The following SLC4A4 variants were observed in gnomAD, a reference collection of about 807,000 sequenced individuals.
SLC4A4 encodes the protein electrogenic sodium bicarbonate cotransporter 1.
In SLC4A4, 27 loss-of-function variants were observed where a neutral mutation model predicts 111.5. That is an observed-to-expected ratio of 0.24 (90% CI 0.18 to 0.33). SLC4A4 has a LOEUF of 0.33. Ranked by LOEUF, SLC4A4 falls within the 10% of genes least tolerant of loss-of-function variation. The pLI is 1.00. For synonymous variants in SLC4A4, 443 were observed against 463.4 expected, an observed-to-expected ratio of 0.96 and a Z score of 0.57; for missense variants, 909 against 1,315.5, an observed-to-expected ratio of 0.69 and a Z score of 4.78.
intron 7 of SLC4A4, among the ~76,000 whole-genome samples, chr4:71,409,644 C>A (rs1721183823): frequency 6.6e-6 from 1 of 152,140 alleles, no homozygotes; most frequent in African/African-American, 2.4e-5. Flanking sequence ...CCTGACAATG[C>A]AGTAGAAAAG....
intron 7 of SLC4A4, among the ~76,000 whole-genome samples, chr4:71,423,129 C>T (rs531870609): frequency 9.2e-5 from 14 of 152,318 alleles, no homozygotes; most frequent in Non-Finnish European, 1.5e-4. Context: ...TGATAAGCAA[C>T]TTCAGCAAAG....
intron 2 of SLC4A4, among the ~76,000 whole-genome samples, chr4:71,170,413 T>A (rs535287697): frequency 6.6e-6 from 1 of 152,200 alleles, no homozygotes; most frequent in Non-Finnish European, 1.5e-5. Flanking sequence ...TAATTTCTCA[T>A]GAAAACTTAC....
At chr4:71,413,196 A>G (rs953413832) in intron 7 of SLC4A4, among the ~76,000 whole-genome samples, 1 of 152,222 alleles carries the variant, frequency 6.6e-6, no homozygotes, top group African/African-American at 2.4e-5. Flanking sequence ...AATCTGCTAA[A>G]TAAATAATAG....
chr4:71,491,695 T>G (rs1218214436), intron 15 of SLC4A4, among the ~76,000 whole-genome samples: 2 of 151,912 alleles, frequency 1.3e-5, no homozygotes, highest in Admixed American at 1.3e-4. Flanking sequence ...TTACTTATTT[T>G]TACTAATCTT....
rs1274724843 is a variant in SLC4A4, at chr4:71,267,959, CTG to C, written c.253+12564_253+12565del. On this transcript the variant is annotated intron_variant, in intron 3 of 25. Transcript: ENST00000264485. ...TAAATGGAGCTTTATGGTTATGATT[CTG>C]TGTTTTTTCTCAACATTGTTTATCT... 2.6e-5 allele frequency among the ~76,000 whole-genome samples: 4 copies of C among 151,294 alleles called. No homozygotes were observed. The South Asian group carries it at 8.3e-4, about 31-fold the overall frequency.
intron 5 of SLC4A4, among the ~76,000 whole-genome samples, chr4:71,356,603 A>G (rs924403327): frequency 6.6e-6 from 1 of 152,180 alleles, no homozygotes; most frequent in Non-Finnish European, 1.5e-5. Context: ...AAAATCAACA[A>G]TCTCATTACT....
At chr4:71,291,076 A>G (rs982596778) in intron 3 of SLC4A4, among the ~76,000 whole-genome samples, 5 of 152,248 alleles carry the variant, frequency 3.3e-5, no homozygotes, top group African/African-American at 1.2e-4. Flanking sequence ...CATCATGCCA[A>G]AAGAACAGAG....
intron 3 of SLC4A4, among the ~76,000 whole-genome samples, chr4:71,332,323 C>T (rs1428927751): frequency 6.6e-6 from 1 of 151,856 alleles, no homozygotes; most frequent in Non-Finnish European, 1.5e-5. Context: ...ACTTTCTACC[C>T]CAATCTTTCT....
At chr4:71,344,196 G>A (rs999052050) in intron 4 of SLC4A4, among the ~76,000 whole-genome samples, 1 of 152,150 alleles carries the variant, frequency 6.6e-6, no homozygotes, top group Non-Finnish European at 1.5e-5. Context: ...CTGGCACACA[G>A]GTCATGCTCA....
intron 3 of SLC4A4, among the ~76,000 whole-genome samples, chr4:71,306,935 T>G (rs1460548273): frequency 6.6e-6 from 1 of 152,220 alleles, no homozygotes; most frequent in Non-Finnish European, 1.5e-5. Context: ...TTGCTAATTA[T>G]AAGTCATGCT....
intron 1 of SLC4A4, among the ~76,000 whole-genome samples, chr4:71,198,909 C>T (rs1746128983): frequency 6.6e-6 from 1 of 152,182 alleles, no homozygotes; most frequent in Admixed American, 6.5e-5. Context: ...GTTTTTACCA[C>T]AAGAGGAGAA....
At chr4:71,086,012 G>C (rs1179544378) in intron 1 of SLC4A4, among the ~76,000 whole-genome samples, 1 of 151,928 alleles carries the variant, frequency 6.6e-6, no homozygotes, top group Non-Finnish European at 1.5e-5. Flanking sequence ...CCATTTTCAC[G>C]ATATTGATTC....
At chr4:71,559,727 T>C (rs1415007693) in intron 22 of SLC4A4, among the ~76,000 whole-genome samples, 1 of 151,906 alleles carries the variant, frequency 6.6e-6, no homozygotes, top group African/African-American at 2.4e-5. Context: ...TTTTAATACT[T>C]AGAAATCATA....
chr4:71,437,728 G>GC (rs1560508048), intron 7 of SLC4A4: 1 of 318,360 alleles, frequency 3.1e-6, no homozygotes, highest in Non-Finnish European at 6.2e-6. Context: ...GGGATGAGCG[G>GC]CCCCCTCCAA....
chr4:71,175,089 T>G (rs924720980), intron 2 of SLC4A4, among the ~76,000 whole-genome samples: 17 of 152,260 alleles, frequency 1.1e-4, no homozygotes, highest in Admixed American at 1.1e-3. Context: ...TTAAATTATA[T>G]ACTTATTCAT....
At chr4:71,338,566 CTTTTTTTT>C (rs1213292062) in intron 3 of SLC4A4, among the ~76,000 whole-genome samples, 1 of 135,502 alleles carries the variant, frequency 7.4e-6, no homozygotes, top group Non-Finnish European at 1.6e-5. Flanking sequence ...TCTTCTTCTT[CTTTTTTTT>C]TTTTTTGAAA....
chr4:71,079,858 T>G (rs1431652737), intron 1 of SLC4A4, among the ~76,000 whole-genome samples: 4 of 150,878 alleles, frequency 2.7e-5, no homozygotes. Flanking sequence ...TGTCACTGTC[T>G]GGAGACAGAC....
chr4:71,440,729 G>C lies in SLC4A4; in HGVS notation c.921G>C (p.Gln307His). The C allele has an allele frequency of 6.2e-7, 1 of 1,614,130 alleles. No individual in the cohort carries two copies. Residue 307 changes from glutamine (Q) to histidine (H), a missense_variant, in exon 8 of 26, where the codon CAG (glutamine) becomes CAC (histidine). Gln to His is a conservative substitution (Grantham distance 24). Coordinates refer to ENST00000264485, the MANE Select transcript of SLC4A4 (RefSeq NM_001098484.3). ...TCATTGCCTTTGTTAGGCTACAGCAGGCTGTCATGCTGGGTGCCCTGACTG... is the reference window on the plus strand; with the variant it reads ...TCATTGCCTTTGTTAGGCTACAGCACGCTGTCATGCTGGGTGCCCTGACTG... ...TPFIAFVRLQ[Q>H]AVMLGALTEV...
rs62303784 is a variant in SLC4A4 at position 71,531,796 on chromosome 4, C to G, written c.2167-266C>G. Among the ~76,000 whole-genome samples the G allele has an allele frequency of 3.9e-3, 316 of 81,468 alleles. 1 individual carries two copies. The highest frequency in any genetic ancestry group is 0.013 in the African/African-American group (304 of 24,268). The allele number at this position is 81,468 out of a possible 152,430, so 53.4% of individuals were successfully genotyped here. ...ACACACACACACACACACACACACACACACACACAGAAAGAGAGAGAGAGA... is the reference window on the plus strand; with the variant it reads ...ACACACACACACACACACACACACAGACACACACAGAAAGAGAGAGAGAGA... On this transcript the variant is annotated intron_variant, in intron 16 of 25. Transcript: ENST00000264485.
Sources: gnomAD v4.1 joint callset for allele counts (sites outside exome capture counted in the v4.1 genomes callset) on GRCh38, gnomAD v4.1.1 for gene constraint, MANE v1.5 for transcripts, NCBI Gene and HGNC (gene_info 2026-07-23, HGNC 2026-07-21) for gene names.